Variants in EXOSC2 observed in about 807,000 individuals in gnomAD.
The protein encoded by EXOSC2 is exosome component 2.
EXOSC2 carries 29 observed loss-of-function variants against 37.6 expected under a neutral mutation model. The ratio of observed to expected loss-of-function variants is 0.77; its 90% CI spans 0.57 to 1.05. EXOSC2 has a LOEUF of 1.05. EXOSC2 is among the 50% of genes least tolerant of loss of function. The pLI is 0.00. For missense variants in EXOSC2, 346 were observed against 365.6 expected, an observed-to-expected ratio of 0.95 and a Z score of 0.44; for synonymous variants, 119 against 131.1, an observed-to-expected ratio of 0.91 and a Z score of 0.63.
At position 130,693,848 on chromosome 9, in the gene EXOSC2, C is replaced by A; in HGVS notation, c.57C>A (p.Gly19=). The stretch of plus-strand genomic sequence containing the variant: ...GCAAGCCTCTTAGCGAGAGACTGGG[C>A]CGCGACACTAAGAAACATCTAGTGG... ...VARKPLSERL[G]RDTKKHLVVP... The change falls in exon 1 of 9, where the codon GGC becomes GGA. Residue 19 remains glycine, a synonymous_variant. Transcript: ENST00000372358. The A allele has an allele frequency of 6.2e-7, 1 of 1,611,958 alleles. No individual in the cohort carries two copies. Among genetic ancestry groups the A allele is most frequent in the Non-Finnish European group, 8.5e-7 (1 of 1,178,626 alleles).
chr9:130,697,633 G>A lies in EXOSC2; in HGVS notation c.270+6G>A, dbSNP rs776547436. 8.1e-6 allele frequency: 13 copies of A among 1,613,744 alleles called. No individual in the cohort carries two copies. In the East Asian group the frequency reaches 8.9e-5, roughly 11 times the overall value. On this transcript the variant is annotated splice_donor_region_variant and intron_variant, in intron 3 of 8. Transcript: ENST00000372358. ...TAGTGGGACGAATCACAGAGGTAAC[G>A]TCGATATCAGATTGGTGTTTACAAA... is the stretch of plus-strand genomic sequence containing the variant.
intron 2 of EXOSC2, among the ~76,000 whole-genome samples, chr9:130,697,164 G>A (rs1229230602): frequency 6.6e-6 from 1 of 152,200 alleles, no homozygotes; most frequent in Non-Finnish European, 1.5e-5. Flanking sequence ...TAGCAAAGGG[G>A]CTTGAGAGGA....
At chr9:130,702,581 T>TTTTTG (rs149346549) in intron 7 of EXOSC2, among the ~76,000 whole-genome samples, 7 of 151,314 alleles carry the variant, frequency 4.6e-5, no homozygotes, top group Admixed American at 2.0e-4. Context: ...TTTTCTGTTT[T>TTTTTG]TTTGTTTGTT....
At chr9:130,702,023 T>C in intron 6 of EXOSC2, 111 bp from the exon 7 acceptor site, 1 of 1,467,896 alleles carries the variant, frequency 6.8e-7, no homozygotes, top group Non-Finnish European at 9.0e-7. Flanking sequence ...ACAGCAATTA[T>C]AAACAGGAAG....
In EXOSC2 at chr9:130,703,718, A is replaced by C; in HGVS notation, c.826A>C (p.Ile276Leu). Residue 276 changes from isoleucine (I) to leucine (L), a missense_variant, in exon 9 of 9, where the codon ATA becomes CTA. Ile to Leu is a conservative substitution (Grantham distance 5). Transcript: ENST00000372358. ...GATCAAAGACATCTTAAAGCCAGAA[A>C]TAATGGAGGAGATTGTGATGGAAAC... ...HQIKDILKPE[I>L]MEEIVMETRQ... The C allele has an allele frequency of 6.2e-7, 1 of 1,613,968 alleles. No homozygotes were observed. The highest frequency in any genetic ancestry group is 8.5e-7 in the Non-Finnish European group (1 of 1,179,888).
chr9:130,700,970 T>C (rs1831203483), intron 6 of EXOSC2, 35 bp downstream of exon 6: 3 of 1,605,842 alleles, frequency 1.9e-6, no homozygotes, highest in Non-Finnish European at 8.5e-7. Flanking sequence ...GTTTGCTGAC[T>C]GAGACTACAA....
Position 130,698,005 on chromosome 9 carries a change from G to T in EXOSC2, c.271-157G>T. 1.6e-6 allele frequency: 1 copy of T among 643,254 alleles called. No individual in the cohort carries two copies. Among genetic ancestry groups the T allele is most frequent in the Non-Finnish European group, 2.8e-6 (1 of 359,852 alleles). The allele number at this position is 643,254 out of a possible 1,614,324, so 39.8% of individuals were successfully genotyped here. ...GATGGGGTTTCATTATATTGGTCAG[G>T]CTGGTCTCAAACTCCTGACCTCAAG... On this transcript the variant is annotated intron_variant, in intron 3 of 8. Transcript: ENST00000372358. This position sits in a 1 kb window ranked among gnomAD's most constrained non-coding sequence, Gnocchi z 4.1.
intron 6 of EXOSC2, 163 bp from the exon 7 acceptor site, chr9:130,701,970 GC>G: frequency 1.4e-6 from 2 of 1,428,174 alleles, no homozygotes; most frequent in Non-Finnish European, 1.8e-6. Flanking sequence ...GAGTCCCAAA[GC>G]GTTCTCTGCA....
In EXOSC2 at chr9:130,698,012, TCAAA is replaced by T; in HGVS notation, c.271-148_271-145del. 1 of 671,286 alleles carries T rather than the reference TCAAA, an allele frequency of 1.5e-6. No individual in the cohort carries two copies. Among genetic ancestry groups the T allele is most frequent in the Non-Finnish European group, 2.6e-6 (1 of 379,606 alleles). The allele number at this position is 671,286 out of a possible 1,614,324, so 41.6% of individuals were successfully genotyped here. The stretch of plus-strand genomic sequence containing the variant: ...TTTCATTATATTGGTCAGGCTGGTC[TCAAA>T]CTCCTGACCTCAAGTGATCCACCAG... On this transcript the variant is annotated intron_variant, in intron 3 of 8. Coordinates refer to ENST00000372358, the MANE Select transcript of EXOSC2 (RefSeq NM_014285.7). The surrounding 1 kb of genome is among the most constrained non-coding windows in gnomAD (Gnocchi z 4.1).
At chr9:130,701,661 G>T in intron 6 of EXOSC2, 1 of 960,028 alleles carries the variant, frequency 1.0e-6, no homozygotes, top group South Asian at 4.7e-5. Context: ...ACGTGGACTT[G>T]AGCTGTCCTG....
At chr9:130,695,638 G>A (rs1415681978) in intron 2 of EXOSC2, 45 bp downstream of exon 2, 1 of 1,569,418 alleles carries the variant, frequency 6.4e-7, no homozygotes, top group Non-Finnish European at 8.8e-7. Context: ...GCATCAGGTT[G>A]TACAACCAGG....
At position 130,698,762 on chromosome 9, in the gene EXOSC2, G is replaced by A. The variant is rs773654312; in HGVS notation, c.360+511G>A. Among the ~76,000 whole-genome samples, 1 of 152,192 alleles carries A rather than the reference G, an allele frequency of 6.6e-6. No homozygotes were observed. Among genetic ancestry groups the A allele is most frequent in the Non-Finnish European group, 1.5e-5 (1 of 68,034 alleles). Reference sequence around the variant, plus strand: ...TTTACAGAGAGGCTTACTGTGCCAAGCTCTGTGCCGAGTGCCAAGCACGAT... The same window carrying A: ...TTTACAGAGAGGCTTACTGTGCCAAACTCTGTGCCGAGTGCCAAGCACGAT... On this transcript the variant is annotated intron_variant, in intron 4 of 8. Transcript: ENST00000372358. The surrounding 1 kb of genome is among the most constrained non-coding windows in gnomAD (Gnocchi z 4.1).
At position 130,698,175 on chromosome 9, in the gene EXOSC2, G is replaced by C; in HGVS notation, c.284G>C (p.Arg95Thr). 1 of 1,614,166 alleles carries C rather than the reference G, an allele frequency of 6.2e-7. No homozygotes were observed. Among genetic ancestry groups the C allele is most frequent in the Non-Finnish European group, 8.5e-7 (1 of 1,180,006 alleles). The part of the protein sequence containing the change: ...VGRITEVQQK[R>T]WKVETNSRLD... ...CTTGGCTTATAGGTTCAACAGAAGA[G>C]GTGGAAGGTGGAGACCAACTCCAGG... The change falls in exon 4 of 9, where the codon AGG becomes ACG. Residue 95 changes from arginine (R) to threonine (T), a missense_variant. Transcript: ENST00000372358. The surrounding 1 kb of genome is among the most constrained non-coding windows in gnomAD (Gnocchi z 4.1).
Position 130,698,636 on chromosome 9 carries a change from T to C in EXOSC2, c.360+385T>C, listed in dbSNP as rs917495642. On this transcript the variant is annotated intron_variant, in intron 4 of 8. Coordinates refer to ENST00000372358, the MANE Select transcript of EXOSC2 (RefSeq NM_014285.7). The surrounding 1 kb of genome is among the most constrained non-coding windows in gnomAD (Gnocchi z 4.1). ...AATTGAAAGGCATTTCATTCAACCA[T>C]GTGTGGAATGTGGTTGCTGGCATTC... Among the ~76,000 whole-genome samples the C allele has an allele frequency of 3.5e-4, 54 of 152,332 alleles. No individual in the cohort carries two copies. Among genetic ancestry groups the C allele is most frequent in the Middle Eastern group, 6.8e-3 (2 of 294 alleles).
intron 5 of EXOSC2, among the ~76,000 whole-genome samples, 186 bp from the exon 6 acceptor site, chr9:130,700,681 A>C (rs1351409347): frequency 6.6e-6 from 1 of 152,092 alleles, no homozygotes; most frequent in Non-Finnish European, 1.5e-5. Flanking sequence ...TTTTAAAAAA[A>C]AGATATTCAT....
chr9:130,699,658 T>C (rs1831169313), intron 5 of EXOSC2: 2 of 473,912 alleles, frequency 4.2e-6, no homozygotes, highest in Admixed American at 3.5e-5. Context: ...CTTTTGTTAA[T>C]GGTGTTAACT....
chr9:130,701,840 T>G, intron 6 of EXOSC2: 1 of 1,142,640 alleles, frequency 8.8e-7, no homozygotes, highest in Non-Finnish European at 1.1e-6. Flanking sequence ...CCTCATTGGC[T>G]TCAGCTTCTC....
chr9:130,703,299 C>A, intron 8 of EXOSC2, 118 bp downstream of exon 8: 2 of 1,174,162 alleles, frequency 1.7e-6, no homozygotes, highest in Non-Finnish European at 2.4e-6. Flanking sequence ...ATGAACTGGC[C>A]TGAAACAGCC....
At position 130,698,343 on chromosome 9, in the gene EXOSC2, C is replaced by T; in HGVS notation, c.360+92C>T. 8.7e-7 allele frequency: 1 copy of T among 1,153,792 alleles called. No individual in the cohort carries two copies. The highest frequency in any genetic ancestry group is 1.3e-6 in the Non-Finnish European group (1 of 787,852). 71.5% of individuals were successfully genotyped at this position (1,153,792 alleles called of 1,614,324 possible). Reference sequence around the variant, plus strand: ...TTCCACCAGAGGACTTTGATTTACACTGAGGTTGCCCCTTTGACTCCTGTT... The same window carrying T: ...TTCCACCAGAGGACTTTGATTTACATTGAGGTTGCCCCTTTGACTCCTGTT... On this transcript the variant is annotated intron_variant, in intron 4 of 8. Coordinates refer to ENST00000372358, the MANE Select transcript of EXOSC2 (RefSeq NM_014285.7). This position sits in a 1 kb window ranked among gnomAD's most constrained non-coding sequence, Gnocchi z 4.1.
Sources: gnomAD v4.1 joint callset for allele counts (sites outside exome capture counted in the v4.1 genomes callset) on GRCh38, gnomAD v4.1.1 for gene constraint, Gnocchi (gnomAD v3.1) non-coding constraint, MANE v1.5 for transcripts, NCBI Gene and HGNC (gene_info 2026-07-23, HGNC 2026-07-21) for gene names.